The following ARID3A variants were observed in gnomAD, a reference collection of about 807,000 sequenced individuals.
ARID3A encodes AT-rich interactive domain-containing protein 3A.
Under a neutral mutation model 52.7 loss-of-function variants are expected in ARID3A, and 11 were observed. The observed-to-expected ratio is 0.21, with a 90% CI of 0.13 to 0.35. The LOEUF is 0.35. ARID3A is among the 10% of genes least tolerant of loss of function. ARID3A has a pLI of 1.00. For synonymous variants in ARID3A, 404 were observed against 359.4 expected, an observed-to-expected ratio of 1.12 and a Z score of -1.40; for missense variants, 721 against 838.5, an observed-to-expected ratio of 0.86 and a Z score of 1.73.
chr19:952,087 G>A (rs955183553), intron 3 of ARID3A, among the ~76,000 whole-genome samples: 4 of 152,106 alleles, frequency 2.6e-5, no homozygotes, highest in Non-Finnish European at 4.4e-5. Context: ...GTTGCAGTGA[G>A]CTGAGGTCAC....
In ARID3A at chr19:959,604, G is replaced by A. The variant is rs768055455; in HGVS notation, c.694-488G>A. 2.6e-5 allele frequency among the ~76,000 whole-genome samples: 4 copies of A among 152,250 alleles called. No homozygotes were observed. The highest frequency in any genetic ancestry group is 4.4e-5 in the Non-Finnish European group (3 of 68,010). On this transcript the variant is annotated intron_variant, in intron 3 of 8. Transcript: ENST00000263620. This position sits in a 1 kb window ranked among gnomAD's most constrained non-coding sequence, Gnocchi z 5.0. ...TTTTGGACTTCTGGGCTCCGGGACCGCGGGAGAATAGATTTCTGTTGCTTT... is the reference window on the plus strand; with the variant it reads ...TTTTGGACTTCTGGGCTCCGGGACCACGGGAGAATAGATTTCTGTTGCTTT...
Position 932,560 on chromosome 19 carries a change from G to T in ARID3A, c.511G>T (p.Ala171Ser). ...PPGPASLGTT[A>S]LFPRKAQPPQ... ...AGGCCCTGCCAGCTTGGGCACCACG[G>T]CACTGTTCCCCCGAAAGGCCCAGCC... is the stretch of plus-strand genomic sequence containing the variant. The change falls in exon 3 of 9, where the codon GCA becomes TCA. Residue 171 changes from alanine (A) to serine (S), a missense_variant. Coordinates refer to ENST00000263620, the MANE Select transcript of ARID3A (RefSeq NM_005224.3). 6.6e-7 allele frequency: 1 copy of T among 1,508,084 alleles called. No individual in the cohort carries two copies. Among genetic ancestry groups the T allele is most frequent in the East Asian group, 2.5e-5 (1 of 39,438 alleles). 93.4% of individuals were successfully genotyped at this position (1,508,084 alleles called of 1,614,324 possible). A position where few individuals can be genotyped will look rare whatever the true frequency, so the allele number is the denominator to read the frequency against.
At chr19:932,784 CTG>C in intron 3 of ARID3A, 42 bp downstream of exon 3, 5 of 1,544,946 alleles carry the variant, frequency 3.2e-6, no homozygotes, top group Non-Finnish European at 4.4e-6. Context: ...GCACCTGCTC[CTG>C]GGCCAGTGGG....
In ARID3A at chr19:973,660, A is replaced by G. The variant is rs1599435517; in HGVS notation, c.*1595A>G. The G allele has an allele frequency of 4.4e-6, 1 of 226,068 alleles. No homozygotes were observed. The highest frequency in any genetic ancestry group is 6.3e-5 in the East Asian group (1 of 15,786). 14.0% of individuals were successfully genotyped at this position (226,068 alleles called of 1,614,324 possible). On this transcript the variant is annotated 3_prime_UTR_variant, in exon 9 of 9. Coordinates refer to ENST00000263620, the MANE Select transcript of ARID3A (RefSeq NM_005224.3). ...TCCTGAACACCCCCCACACCCCAACATTCTCCTCGCTCTGTCCCTTCCTCT... is the reference window on the plus strand; with the variant it reads ...TCCTGAACACCCCCCACACCCCAACGTTCTCCTCGCTCTGTCCCTTCCTCT...
intron 3 of ARID3A, among the ~76,000 whole-genome samples, chr19:943,257 T>G: frequency 2.1e-5 from 3 of 141,302 alleles, no homozygotes; most frequent in Non-Finnish European, 3.1e-5. Context: ...CAGGACCCTG[T>G]GTCAAAAAAA....
Position 929,711 on chromosome 19 carries a change from A to G in ARID3A, c.183A>G (p.Ala61=), listed in dbSNP as rs1430099907. 3.2e-6 allele frequency: 5 copies of G among 1,564,530 alleles called. No individual in the cohort carries two copies. Among genetic ancestry groups the G allele is most frequent in the Non-Finnish European group, 4.3e-6 (5 of 1,163,448 alleles). Residue 61 remains alanine, a synonymous_variant, in exon 2 of 9, where the codon GCA becomes GCG. Coordinates refer to ENST00000263620, the MANE Select transcript of ARID3A (RefSeq NM_005224.3). The surrounding 1 kb of genome is among the most constrained non-coding windows in gnomAD (Gnocchi z 6.2). ...SARMQRAQMA[A]LAAMRAAAAG... ...GGATGCAGCGGGCTCAGATGGCCGC[A>G]CTGGCAGCCATGCGGGCTGCAGCTG... is the stretch of plus-strand genomic sequence containing the variant.
chr19:935,564 A>T (rs2037421822), intron 3 of ARID3A, among the ~76,000 whole-genome samples: 1 of 152,040 alleles, frequency 6.6e-6, no homozygotes, highest in African/African-American at 2.4e-5. Flanking sequence ...TGCAGCCTCG[A>T]TCTCCTGGGT....
chr19:946,256 TTATTTATTTATG>T lies in ARID3A; in HGVS notation c.693+13527_693+13538del, dbSNP rs1188815265. Among the ~76,000 whole-genome samples the T allele has an allele frequency of 1.1e-4, 16 of 151,940 alleles. No individual in the cohort carries two copies. In the East Asian group the frequency reaches 2.5e-3, roughly 24 times the overall value. On this transcript the variant is annotated intron_variant, in intron 3 of 8. Coordinates refer to ENST00000263620, the MANE Select transcript of ARID3A (RefSeq NM_005224.3). ...TTTACTTTTACTTTTTCCTTTTTAT[TTATTTATTTATG>T]TATTTATTTATGAGACAGAGTCTTG...
rs1237126695 is a variant in ARID3A at position 940,500 on chromosome 19, AG to A, written c.693+7759del. On this transcript the variant is annotated intron_variant, in intron 3 of 8. Transcript: ENST00000263620. ...CCCTTCTGGAGCCTGTTTTGGAGAC[AG>A]AACGGAGGCACCCTTGGTCCAGGCA... is the stretch of plus-strand genomic sequence containing the variant. 3.3e-5 allele frequency among the ~76,000 whole-genome samples: 5 copies of A among 152,158 alleles called. No individual in the cohort carries two copies. In the East Asian group the frequency reaches 9.7e-4, roughly 30 times the overall value.
In ARID3A at chr19:960,306, T is replaced by C; in HGVS notation, c.766+142T>C. 1.5e-6 allele frequency: 1 copy of C among 676,312 alleles called. No individual in the cohort carries two copies. Among genetic ancestry groups the C allele is most frequent in the Non-Finnish European group, 2.4e-6 (1 of 417,974 alleles). The allele number at this position is 676,312 out of a possible 1,614,324, so 41.9% of individuals were successfully genotyped here. The stretch of plus-strand genomic sequence containing the variant: ...CCAAGGCTCCTAAATCGGGAGGGAC[T>C]TCAGGGGTGTCTTGGGGGGAAACAC... On this transcript the variant is annotated intron_variant, in intron 4 of 8. Coordinates refer to ENST00000263620, the MANE Select transcript of ARID3A (RefSeq NM_005224.3). The surrounding 1 kb of genome is among the most constrained non-coding windows in gnomAD (Gnocchi z 4.3).
At chr19:945,250 A>G (rs890222916) in intron 3 of ARID3A, among the ~76,000 whole-genome samples, 1 of 152,234 alleles carries the variant, frequency 6.6e-6, no homozygotes, top group African/African-American at 2.4e-5. Context: ...TCTCGGCCTC[A>G]GTTTCCCCGC....
At position 947,280 on chromosome 19, in the gene ARID3A, G is replaced by A. The variant is rs1015674283; in HGVS notation, c.694-12812G>A. On this transcript the variant is annotated intron_variant, in intron 3 of 8. Transcript: ENST00000263620. The surrounding 1 kb of genome is among the most constrained non-coding windows in gnomAD (Gnocchi z 6.3). ...GCTGCTTAAGGCCAGTGCCCTCGGC[G>A]GAGACTCTATTAGGGACTGCGGGCC... Among the ~76,000 whole-genome samples, 3 of 152,240 alleles carry A rather than the reference G, an allele frequency of 2.0e-5. No individual in the cohort carries two copies. Among genetic ancestry groups the A allele is most frequent in the South Asian group, 2.1e-4 (1 of 4,828 alleles).
Position 966,209 on chromosome 19 carries a change from C to T in ARID3A, c.1199-363C>T, listed in dbSNP as rs1336656854. Among the ~76,000 whole-genome samples the T allele has an allele frequency of 2.6e-5, 4 of 151,224 alleles. No homozygotes were observed. The East Asian group carries it at 7.8e-4, about 29-fold the overall frequency. On this transcript the variant is annotated intron_variant, in intron 6 of 8. Coordinates refer to ENST00000263620, the MANE Select transcript of ARID3A (RefSeq NM_005224.3). ...GCGCGGTGGCTCACGCCTGTAATCC[C>T]AGCACTTTGGGAGGCCGAGGCGGGC...
At chr19:946,118 C>T (rs550919676) in intron 3 of ARID3A, among the ~76,000 whole-genome samples, 38 of 152,092 alleles carry the variant, frequency 2.5e-4, no homozygotes, top group South Asian at 1.2e-3. Context: ...GTGGGCTGGC[C>T]GGTCTGGGGG....
Position 959,809 on chromosome 19 carries a change from C to T in ARID3A, c.694-283C>T, listed in dbSNP as rs1007729013. Among the ~76,000 whole-genome samples, 11 of 152,092 alleles carry T rather than the reference C, an allele frequency of 7.2e-5. No individual in the cohort carries two copies. Among genetic ancestry groups the T allele is most frequent in the African/African-American group, 2.7e-4 (11 of 41,400 alleles). ...AGGACGCACCTTGATCTGGGGTTCC[C>T]GGGCCCCTGGACCGGGAGAGGACAC... On this transcript the variant is annotated intron_variant, in intron 3 of 8. Coordinates refer to ENST00000263620, the MANE Select transcript of ARID3A (RefSeq NM_005224.3). The surrounding 1 kb of genome is among the most constrained non-coding windows in gnomAD (Gnocchi z 5.0).
At chr19:935,340 G>A (rs376298303) in intron 3 of ARID3A, among the ~76,000 whole-genome samples, 2 of 152,200 alleles carry the variant, frequency 1.3e-5, no homozygotes, top group East Asian at 1.9e-4. Flanking sequence ...GCCTGGGGAC[G>A]TGCAGTTTTG....
chr19:934,697 T>G (rs962859307), intron 3 of ARID3A, among the ~76,000 whole-genome samples: 1 of 151,934 alleles, frequency 6.6e-6, no homozygotes, highest in Non-Finnish European at 1.5e-5. Context: ...GAGACGGGAT[T>G]GGAACTCCGA....
In ARID3A at chr19:962,584, G is replaced by A. The variant is rs886572629; in HGVS notation, c.767-1664G>A. 1.5e-4 allele frequency among the ~76,000 whole-genome samples: 22 copies of A among 147,260 alleles called. 1 individual carries two copies. The highest frequency in any genetic ancestry group is 1.0e-4 in the Non-Finnish European group (7 of 67,394). ...GGCTGGAGTGCAATGGCGGGGTCTC[G>A]GCTCTCTGCAACCTCCACCTCCCAG... is the stretch of plus-strand genomic sequence containing the variant. On this transcript the variant is annotated intron_variant, in intron 4 of 8. Transcript: ENST00000263620.
intron 3 of ARID3A, among the ~76,000 whole-genome samples, chr19:943,591 G>A (rs2037604800): frequency 6.6e-6 from 1 of 151,984 alleles, no homozygotes; most frequent in Admixed American, 6.6e-5. Context: ...AAAGAAAAAA[G>A]AGAAATTTGG....
Sources: allele counts gnomAD v4.1 joint callset (sites outside exome capture counted in the v4.1 genomes callset), GRCh38; gene constraint gnomAD v4.1.1; non-coding constraint Gnocchi (gnomAD v3.1); transcripts MANE v1.5; gene names NCBI Gene and HGNC (gene_info 2026-07-23, HGNC 2026-07-21).